PAX5: variants seen among roughly 807,000 people sequenced by gnomAD.
PAX5 encodes paired box 5, also known as paired box protein Pax-5.
Under a neutral mutation model 43.7 loss-of-function variants are expected in PAX5, and 9 were observed. The observed-to-expected ratio is 0.21, with a 90% CI of 0.12 to 0.36. The LOEUF is 0.36. PAX5 is among the 10% of genes least tolerant of loss of function. PAX5 has a pLI of 1.00. For missense variants in PAX5, 383 were observed against 532.7 expected, an observed-to-expected ratio of 0.72 and a Z score of 2.77; for synonymous variants, 228 against 214.3, an observed-to-expected ratio of 1.06 and a Z score of -0.56.
intron 5 of PAX5, among the ~76,000 whole-genome samples, chr9:36,972,435 T>C (rs1175082003): frequency 6.6e-6 from 1 of 152,270 alleles, no homozygotes; most frequent in Non-Finnish European, 1.5e-5. Flanking sequence ...TGGTCATTTC[T>C]AACCCCTTTC....
chr9:36,944,022 C>T (rs1442810493), intron 6 of PAX5, among the ~76,000 whole-genome samples: 2 of 151,936 alleles, frequency 1.3e-5, no homozygotes, highest in Non-Finnish European at 1.5e-5. Flanking sequence ...TCCATCCCTA[C>T]AAAAATAAAA....
intron 8 of PAX5, among the ~76,000 whole-genome samples, chr9:36,866,665 G>A (rs1023709913): frequency 6.6e-6 from 1 of 152,016 alleles, no homozygotes; most frequent in East Asian, 1.9e-4. Flanking sequence ...TTATTGCTTC[G>A]GTGAGGAACT....
intron 6 of PAX5, among the ~76,000 whole-genome samples, chr9:36,957,333 G>T (rs550360863): frequency 6.6e-6 from 1 of 152,314 alleles, no homozygotes; most frequent in African/African-American, 2.4e-5. Context: ...TCTCCTCTAA[G>T]GGGTGCTTAA....
intron 5 of PAX5, among the ~76,000 whole-genome samples, chr9:36,978,021 A>G (rs1835598269): frequency 6.6e-6 from 1 of 152,274 alleles, no homozygotes; most frequent in Non-Finnish European, 1.5e-5. Flanking sequence ...ATCACTATCC[A>G]TTATCCAGAA....
chr9:37,017,140 G>T (rs568081884), intron 2 of PAX5, among the ~76,000 whole-genome samples: 14 of 152,168 alleles, frequency 9.2e-5, no homozygotes, highest in Admixed American at 2.6e-4. Flanking sequence ...GTCTCCAATT[G>T]TCCTGTCAAT....
At chr9:36,897,233 G>A (rs1322747783) in intron 7 of PAX5, among the ~76,000 whole-genome samples, 1 of 152,202 alleles carries the variant, frequency 6.6e-6, no homozygotes, top group African/African-American at 2.4e-5. Flanking sequence ...TAGGAACCGA[G>A]CTGGGCTTAG....
chr9:36,971,836 A>G (rs951166189), intron 5 of PAX5, among the ~76,000 whole-genome samples: 3 of 152,334 alleles, frequency 2.0e-5, no homozygotes, highest in Admixed American at 6.5e-5. Flanking sequence ...GCTTTACACA[A>G]TCGGGTCTGG....
chr9:36,850,883 C>T (rs774344230), intron 8 of PAX5, among the ~76,000 whole-genome samples: 23 of 152,290 alleles, frequency 1.5e-4, no homozygotes, highest in Non-Finnish European at 2.8e-4. Flanking sequence ...CAAGCAGTCC[C>T]GGGGAGAAAA....
chr9:36,889,396 A>G (rs972307989), intron 7 of PAX5, among the ~76,000 whole-genome samples: 3 of 152,246 alleles, frequency 2.0e-5, no homozygotes, highest in East Asian at 3.8e-4. Context: ...AAGGCTCTAC[A>G]CTAAGCAGTG....
rs761767632 is a variant in PAX5, at chr9:36,840,596, G to T, written c.1140C>A (p.Ala380=). The T allele has an allele frequency of 6.3e-7, 1 of 1,584,106 alleles. No homozygotes were observed. Among genetic ancestry groups the T allele is most frequent in the South Asian group, 1.2e-5 (1 of 86,316 alleles). ...YYYSAAARGA[A]PPAAATAYDR... ...CATAGGCAGTGGCGGCTGCAGGTGG[G>T]GCGGCTCCTCGGGCGGCAGCGCTAT... The change falls in exon 10 of 10, where the codon GCC becomes GCA. Residue 380 remains alanine, a synonymous_variant. Coordinates refer to ENST00000358127, the MANE Select transcript of PAX5 (RefSeq NM_016734.3).
intron 8 of PAX5, among the ~76,000 whole-genome samples, chr9:36,857,501 G>T (rs544044539): frequency 6.6e-6 from 1 of 152,218 alleles, no homozygotes; most frequent in African/African-American, 2.4e-5. Context: ...AGACATTCGG[G>T]TGCCAGCAAA....
At chr9:36,861,508 T>C (rs944706194) in intron 8 of PAX5, 2 of 149,528 alleles carry the variant, frequency 1.3e-5, no homozygotes, top group African/African-American at 2.5e-5. Context: ...ATAAGAAATA[T>C]TGGGAGGAGG....
rs1834210439 is a variant in PAX5 at position 36,964,186 on chromosome 9, C to G, written c.780+2363G>C. 2.0e-5 allele frequency among the ~76,000 whole-genome samples: 3 copies of G among 151,910 alleles called. No homozygotes were observed. The South Asian group carries it at 6.2e-4, about 32-fold the overall frequency. On this transcript the variant is annotated intron_variant, in intron 6 of 9. Transcript: ENST00000358127. ...GTCCGTCCTACTCGGGAGGCTGAGG[C>G]AGGAGAAAGGCGCGAACCCGGGAGG...
At chr9:36,864,035 C>A (rs562091257) in intron 8 of PAX5, among the ~76,000 whole-genome samples, 10 of 152,122 alleles carry the variant, frequency 6.6e-5, no homozygotes, top group Admixed American at 6.5e-4. Flanking sequence ...CTTGAACCCA[C>A]GAGGCAGAGG....
At chr9:36,925,675 T>C (rs1376765108) in intron 6 of PAX5, among the ~76,000 whole-genome samples, 1 of 152,180 alleles carries the variant, frequency 6.6e-6, no homozygotes, top group East Asian at 1.9e-4. Context: ...GAGACCTAAA[T>C]GTGGAAGGCA....
intron 5 of PAX5, among the ~76,000 whole-genome samples, chr9:36,986,926 C>T (rs1449276222): frequency 6.6e-6 from 1 of 152,210 alleles, no homozygotes; most frequent in Non-Finnish European, 1.5e-5. Context: ...GCCGGGGTCC[C>T]GTCCAGCCCA....
intron 5 of PAX5, among the ~76,000 whole-genome samples, chr9:36,995,726 G>T (rs762241916): frequency 5.9e-5 from 9 of 152,106 alleles, no homozygotes; most frequent in African/African-American, 2.2e-4. Context: ...ATGACGGAGC[G>T]GGGCGTCTCA....
Position 37,026,705 on chromosome 9 carries a change from G to C in PAX5, c.47-5904C>G, listed in dbSNP as rs548168107. On this transcript the variant is annotated intron_variant, in intron 1 of 9. Coordinates refer to ENST00000358127, the MANE Select transcript of PAX5 (RefSeq NM_016734.3). ...GCTGGGCTCAGAAAACACTGCTGGA[G>C]CTTCGGGGTCTCTCTCAGAGCCTCC... is the stretch of plus-strand genomic sequence containing the variant. 210 of 1,292,624 alleles carry C rather than the reference G, an allele frequency of 1.6e-4. No individual in the cohort carries two copies. The East Asian group carries it at 6.9e-3, about 43-fold the overall frequency. The allele number at this position is 1,292,624 out of a possible 1,614,324, so 80.1% of individuals were successfully genotyped here.
At chr9:36,907,092 G>C (rs1045843221) in intron 7 of PAX5, among the ~76,000 whole-genome samples, 3 of 152,182 alleles carry the variant, frequency 2.0e-5, no homozygotes, top group African/African-American at 7.2e-5. Context: ...GGTACCAAGG[G>C]AAGCAGGACC....
Sources: gnomAD v4.1 joint callset for allele counts (sites outside exome capture counted in the v4.1 genomes callset) on GRCh38, gnomAD v4.1.1 for gene constraint, MANE v1.5 for transcripts, NCBI Gene and HGNC (gene_info 2026-07-23, HGNC 2026-07-21) for gene names.